FRMD4A: variants seen among roughly 807,000 people sequenced by gnomAD.
FRMD4A encodes FERM domain containing 4A.
FRMD4A carries 29 observed loss-of-function variants against 129.1 expected under a neutral mutation model. The observed-to-expected ratio is 0.22, with a 90% confidence interval of 0.17 to 0.31. The LOEUF is 0.31. FRMD4A is among the 10% of genes least tolerant of loss of function. The probability of loss-of-function intolerance (pLI) is 1.00; values close to 1 mark genes in which losing one functional copy is unlikely to be tolerated. For missense variants in FRMD4A, 1,272 were observed against 1,375.8 expected (o/e 0.92, Z 1.19); for synonymous variants, 634 against 571.6 (o/e 1.11, Z -1.56).
At chr10:14,199,447 G>A (rs186015362) in intron 2 of FRMD4A, among the ~76,000 whole-genome samples, 28 of 150,608 alleles carry the variant, frequency 1.9e-4, no homozygotes, top group South Asian at 1.1e-3. Context: ...TCCACCTCCC[G>A]GGCTCAATCT....
rs1178340512 is a variant in FRMD4A, at chr10:13,934,352, CTT to C, written c.46-75442_46-75441del. Reference sequence around the variant, plus strand: ...CAGAATTTAGAGAAAAGTCTGAACTCTTTTCCTCCACAAATGTCTACGGATCC... The same window carrying C: ...CAGAATTTAGAGAAAAGTCTGAACTCTTCCTCCACAAATGTCTACGGATCC... On this transcript the variant is annotated intron_variant, in intron 2 of 24. Coordinates refer to ENST00000357447, the MANE Select transcript of FRMD4A (RefSeq NM_018027.5). 3.3e-5 allele frequency among the ~76,000 whole-genome samples: 5 copies of C among 152,330 alleles called. No individual in the cohort carries two copies. In the South Asian group the frequency reaches 8.3e-4, roughly 25 times the overall value.
intron 2 of FRMD4A, among the ~76,000 whole-genome samples, chr10:14,227,008 G>A (rs1487763063): frequency 6.6e-6 from 1 of 151,914 alleles, no homozygotes; most frequent in South Asian, 2.1e-4. Flanking sequence ...AGTTCCTCAG[G>A]CCTGCCACGA....
At chr10:13,714,851 A>AAC (rs1298527044) in intron 12 of FRMD4A, among the ~76,000 whole-genome samples, 1 of 151,730 alleles carries the variant, frequency 6.6e-6, no homozygotes, top group Non-Finnish European at 1.5e-5. Flanking sequence ...CAGCCTGGCC[A>AAC]ACATGGTGAA....
chr10:14,133,151 A>G (rs7069686), intron 2 of FRMD4A, among the ~76,000 whole-genome samples: 49,861 of 152,068 alleles, frequency 0.33, 8,390 homozygotes, highest in East Asian at 0.55. Flanking sequence ...GCACATGATG[A>G]GGTGAATGAA....
chr10:14,183,013 G>T (rs1350635814), intron 2 of FRMD4A, among the ~76,000 whole-genome samples: 2 of 152,182 alleles, frequency 1.3e-5, no homozygotes, highest in Admixed American at 1.3e-4. Context: ...GCAGGATGGG[G>T]TGGAGATGTG....
At chr10:14,105,012 T>C (rs1193441964) in intron 2 of FRMD4A, among the ~76,000 whole-genome samples, 1 of 152,072 alleles carries the variant, frequency 6.6e-6, no homozygotes, top group Non-Finnish European at 1.5e-5. Context: ...GGTCACGGGG[T>C]CCCCACGCCG....
chr10:14,008,137 CA>C (rs2095668671), intron 2 of FRMD4A: 1 of 1,296,888 alleles, frequency 7.7e-7, no homozygotes, highest in African/African-American at 1.6e-5. Flanking sequence ...GGAGCCACTG[CA>C]GCCTGAACCA....
At chr10:14,008,642 A>C (rs1006546773) in intron 2 of FRMD4A, 1 of 248,664 alleles carries the variant, frequency 4.0e-6, no homozygotes, top group Non-Finnish European at 6.4e-6. Context: ...CTCACCTTAA[A>C]AAGACTATTT....
intron 2 of FRMD4A, among the ~76,000 whole-genome samples, chr10:14,023,538 C>T (rs1290392668): frequency 2.0e-5 from 3 of 152,084 alleles, no homozygotes; most frequent in African/African-American, 7.2e-5. Flanking sequence ...GTTCTTGGAT[C>T]GAGAAGACCT....
chr10:13,916,919 C>T (rs546089949), intron 2 of FRMD4A, among the ~76,000 whole-genome samples: 3 of 152,142 alleles, frequency 2.0e-5, no homozygotes, highest in South Asian at 2.1e-4. Flanking sequence ...AAACAGTGGC[C>T]GAGCACATTT....
intron 2 of FRMD4A, among the ~76,000 whole-genome samples, chr10:14,257,793 C>T (rs1188987809): frequency 6.6e-6 from 1 of 152,188 alleles, no homozygotes; most frequent in East Asian, 1.9e-4. Context: ...GAAAAGAAAG[C>T]ATCCAAACCT....
At chr10:14,113,550 T>C (rs1281810959) in intron 2 of FRMD4A, among the ~76,000 whole-genome samples, 1 of 152,160 alleles carries the variant, frequency 6.6e-6, no homozygotes, top group Non-Finnish European at 1.5e-5. Flanking sequence ...CTATTAGTAG[T>C]TAAATTCTGG....
intron 4 of FRMD4A, among the ~76,000 whole-genome samples, chr10:13,809,364 C>A (rs1242778343): frequency 6.6e-6 from 1 of 152,134 alleles, no homozygotes; most frequent in Non-Finnish European, 1.5e-5. Flanking sequence ...AACAATGGGG[C>A]TATGATTAAT....
chr10:14,269,887 G>A (rs1845104434), intron 2 of FRMD4A, among the ~76,000 whole-genome samples: 1 of 152,190 alleles, frequency 6.6e-6, no homozygotes, highest in Admixed American at 6.5e-5. Flanking sequence ...GAGAAACCCA[G>A]GTGATTTGGC....
intron 2 of FRMD4A, among the ~76,000 whole-genome samples, chr10:14,119,600 G>A (rs1184034303): frequency 1.3e-5 from 2 of 152,178 alleles, no homozygotes; most frequent in Non-Finnish European, 2.9e-5. Context: ...CATGCAGAAT[G>A]TCAGGATCTG....
intron 2 of FRMD4A, among the ~76,000 whole-genome samples, chr10:14,244,876 G>T (rs56011559): frequency 6.6e-6 from 1 of 152,182 alleles, no homozygotes; most frequent in Non-Finnish European, 1.5e-5. Flanking sequence ...TGCACCATGA[G>T]TCATTTCCTG....
chr10:13,925,566 C>CTTTTTTTTTT lies in FRMD4A; in HGVS notation c.46-66664_46-66655dup, dbSNP rs66980805. ...TGAAAGTTTCTATTGTAGTGAAACG[C>CTTTTTTTTTT]TTTTTTTTTTTTTTTTTTTTTTTTT... On this transcript the variant is annotated intron_variant, in intron 2 of 24. Coordinates refer to ENST00000357447, the MANE Select transcript of FRMD4A (RefSeq NM_018027.5). Among the ~76,000 whole-genome samples the CTTTTTTTTTT allele has an allele frequency of 3.2e-3, 197 of 61,940 alleles. 39 individuals carry two copies. Among genetic ancestry groups the CTTTTTTTTTT allele is most frequent in the Middle Eastern group, 0.014 (1 of 74 alleles). The allele number at this position is 61,940 out of a possible 152,430, so 40.6% of individuals were successfully genotyped here. A position where few individuals can be genotyped will look rare whatever the true frequency, so the allele number is the denominator to read the frequency against.
intron 2 of FRMD4A, among the ~76,000 whole-genome samples, chr10:14,213,855 G>A (rs1842996740): frequency 6.6e-6 from 1 of 152,206 alleles, no homozygotes; most frequent in Non-Finnish European, 1.5e-5. Context: ...TCATGGTAGT[G>A]AATAAGTCTC....
Position 13,783,022 on chromosome 10 carries a change from G to A in FRMD4A, c.300-16C>T. Reference sequence around the variant, plus strand: ...TATATAGAACCTGAAAGAGAAAAATGGTGCGTGAACCACAGAAACAGCAGG... The same window carrying A: ...TATATAGAACCTGAAAGAGAAAAATAGTGCGTGAACCACAGAAACAGCAGG... On this transcript the variant is annotated splice_polypyrimidine_tract_variant and intron_variant, in intron 5 of 24. Coordinates refer to ENST00000357447, the MANE Select transcript of FRMD4A (RefSeq NM_018027.5). The A allele has an allele frequency of 2.0e-6, 2 of 985,190 alleles. No individual in the cohort carries two copies. Among genetic ancestry groups the A allele is most frequent in the Non-Finnish European group, 3.3e-6 (2 of 605,278 alleles). 61.0% of individuals were successfully genotyped at this position (985,190 alleles called of 1,614,324 possible).
Sources: allele counts gnomAD v4.1 joint callset (sites outside exome capture counted in the v4.1 genomes callset), GRCh38; gene constraint gnomAD v4.1.1; transcripts MANE v1.5; gene names NCBI Gene and HGNC (gene_info 2026-07-23, HGNC 2026-07-21).